Variants in NRG2 observed in about 807,000 individuals in gnomAD.
NRG2 encodes pro-neuregulin-2, membrane-bound isoform.
NRG2 carries 27 observed loss-of-function variants against 73.9 expected under a neutral mutation model. That is an observed-to-expected ratio of 0.37 (90% CI 0.27 to 0.50). NRG2 has a LOEUF of 0.50. Ranked by LOEUF, NRG2 falls within the 20% of genes least tolerant of loss-of-function variation. The pLI, the probability that NRG2 is intolerant of heterozygous loss-of-function variation, is 0.96. For missense variants in NRG2, 1,126 were observed against 1,210.1 expected (o/e 0.93, Z 1.03); for synonymous variants, 532 against 541.0 (o/e 0.98, Z 0.23).
Position 139,851,911 on chromosome 5 carries a change from T to A in NRG2, c.1545-80A>T. On this transcript the variant is annotated intron_variant, in intron 8 of 9. Transcript: ENST00000361474. The surrounding 1 kb of genome is among the most constrained non-coding windows in gnomAD (Gnocchi z 4.2). ...GCAGGTGTGGTCCCATGGACCTCCC[T>A]GGCTCTTCTTCCACCTCGAGCTCCC... The A allele has an allele frequency of 8.2e-7, 1 of 1,224,978 alleles. No individual in the cohort carries two copies. The highest frequency in any genetic ancestry group is 1.2e-6 in the Non-Finnish European group (1 of 853,774). The allele number at this position is 1,224,978 out of a possible 1,614,324, so 75.9% of individuals were successfully genotyped here.
intron 1 of NRG2, among the ~76,000 whole-genome samples, chr5:139,900,769 C>T (rs1764833102): frequency 6.6e-6 from 1 of 152,224 alleles, no homozygotes; most frequent in Admixed American, 6.5e-5. Context: ...GGGCCAGCAC[C>T]TTTTCCTCCA....
Position 139,904,059 on chromosome 5 carries a change from G to T in NRG2, c.701-16548C>A, listed in dbSNP as rs1765057351. On this transcript the variant is annotated intron_variant, in intron 1 of 9. Transcript: ENST00000361474. The surrounding 1 kb of genome is among the most constrained non-coding windows in gnomAD (Gnocchi z 6.0). ...TACCGGCGTGCAGCGCCTCTTGCCC[G>T]CCCCTGCGTGGGGACGCGGCCGCCC... Among the ~76,000 whole-genome samples, 1 of 152,268 alleles carries T rather than the reference G, an allele frequency of 6.6e-6. No individual in the cohort carries two copies. Among genetic ancestry groups the T allele is most frequent in the Non-Finnish European group, 1.5e-5 (1 of 68,010 alleles).
At chr5:139,946,884 A>C (rs1561700164) in intron 1 of NRG2, among the ~76,000 whole-genome samples, 1 of 152,154 alleles carries the variant, frequency 6.6e-6, no homozygotes, top group Non-Finnish European at 1.5e-5. Context: ...ATTTCTCCAA[A>C]GAATATATAC....
intron 1 of NRG2, among the ~76,000 whole-genome samples, chr5:139,890,711 A>T (rs1185243360): frequency 1.3e-5 from 2 of 152,124 alleles, no homozygotes; most frequent in Admixed American, 1.3e-4. Flanking sequence ...GGTACCTGGG[A>T]CATATCCTAG....
At chr5:139,968,223 G>A (rs570303476) in intron 1 of NRG2, among the ~76,000 whole-genome samples, 3 of 152,254 alleles carry the variant, frequency 2.0e-5, no homozygotes, top group African/African-American at 7.2e-5. Flanking sequence ...CTGCCCGCCC[G>A]GCTGAGAAGG....
intron 5 of NRG2, among the ~76,000 whole-genome samples, chr5:139,861,290 C>G (rs1214485536): frequency 6.6e-6 from 1 of 152,202 alleles, no homozygotes; most frequent in African/African-American, 2.4e-5. Flanking sequence ...AGGTGTGACA[C>G]TGTGTCTGAT....
chr5:140,036,331 A>C (rs544977439), intron 1 of NRG2, among the ~76,000 whole-genome samples: 8 of 152,318 alleles, frequency 5.3e-5, no homozygotes, highest in African/African-American at 1.9e-4. Flanking sequence ...TTGACCCCAG[A>C]CTGGCAAAAG....
chr5:140,042,527 G>A lies in NRG2; in HGVS notation c.543C>T (p.Ser181=). ...SGGLQREQVI[S]VGSCVPLERN... ...TTTCGAGCGGCACACAGGAGCCCAC[G>A]CTGATCACCTGCTCGCGCTGCAGCC... Residue 181 remains serine, a synonymous_variant, in exon 1 of 10, where the codon AGC becomes AGT. Transcript: ENST00000361474. 6.2e-7 allele frequency: 1 copy of A among 1,613,142 alleles called. No homozygotes were observed. The highest frequency in any genetic ancestry group is 8.5e-7 in the Non-Finnish European group (1 of 1,179,614).
chr5:139,911,436 C>A (rs939093736), intron 1 of NRG2, among the ~76,000 whole-genome samples: 2 of 152,164 alleles, frequency 1.3e-5, no homozygotes, highest in Non-Finnish European at 2.9e-5. Context: ...TGTCCACCAG[C>A]TCTTCTCCCA....
At chr5:139,946,804 AT>A (rs1400947374) in intron 1 of NRG2, among the ~76,000 whole-genome samples, 3 of 152,094 alleles carry the variant, frequency 2.0e-5, no homozygotes, top group African/African-American at 7.2e-5. Flanking sequence ...AATGGGTTTA[AT>A]TTTTTCTTTG....
chr5:139,890,373 C>A (rs750738095), intron 1 of NRG2, among the ~76,000 whole-genome samples: 2 of 151,992 alleles, frequency 1.3e-5, no homozygotes, highest in Non-Finnish European at 1.5e-5. Flanking sequence ...AGGCTATTAA[C>A]CTTTTGCTAC....
At chr5:139,975,941 A>G (rs1756350170) in intron 1 of NRG2, among the ~76,000 whole-genome samples, 1 of 152,250 alleles carries the variant, frequency 6.6e-6, no homozygotes, top group Non-Finnish European at 1.5e-5. Context: ...CAAGTCCTAA[A>G]AATGCTAACA....
At chr5:139,925,200 C>T (rs1751961460) in intron 1 of NRG2, among the ~76,000 whole-genome samples, 1 of 152,150 alleles carries the variant, frequency 6.6e-6, no homozygotes, top group African/African-American at 2.4e-5. Flanking sequence ...GAGCAAAATC[C>T]TGACTACCAG....
chr5:139,932,490 T>C (rs1358270737), intron 1 of NRG2, among the ~76,000 whole-genome samples: 1 of 151,436 alleles, frequency 6.6e-6, no homozygotes, highest in Non-Finnish European at 1.5e-5. Context: ...AGGTAGGAAA[T>C]TGGGAGATGG....
chr5:139,851,872 G>A lies in NRG2; in HGVS notation c.1545-41C>T, dbSNP rs1199073321. On this transcript the variant is annotated intron_variant, in intron 8 of 9. Transcript: ENST00000361474. This position sits in a 1 kb window ranked among gnomAD's most constrained non-coding sequence, Gnocchi z 4.2. Reference sequence around the variant, plus strand: ...GGGGTGAGACGAGGGGTCAGGAAGGGGCAGGGCGGCCCAGCAGGTGTGGTC... The same window carrying A: ...GGGGTGAGACGAGGGGTCAGGAAGGAGCAGGGCGGCCCAGCAGGTGTGGTC... 4 of 1,583,790 alleles carry A rather than the reference G, an allele frequency of 2.5e-6. No homozygotes were observed. The highest frequency in any genetic ancestry group is 1.1e-5 in the South Asian group (1 of 89,162).
intron 3 of NRG2, among the ~76,000 whole-genome samples, chr5:139,877,718 A>G (rs1278786501): frequency 6.6e-6 from 1 of 152,242 alleles, no homozygotes; most frequent in Non-Finnish European, 1.5e-5. Flanking sequence ...ACAGGATGTC[A>G]GCCTCAGCAT....
chr5:139,882,858 T>C (rs989104739), intron 2 of NRG2, among the ~76,000 whole-genome samples: 7 of 152,086 alleles, frequency 4.6e-5, no homozygotes, highest in African/African-American at 1.7e-4. Context: ...ATGTGAGACC[T>C]GGAGAAGGCA....
In NRG2 at chr5:140,043,158, A is replaced by C; in HGVS notation, c.-89T>G. On this transcript the variant is annotated 5_prime_UTR_variant, in exon 1 of 10. Coordinates refer to ENST00000361474, the MANE Select transcript of NRG2 (RefSeq NM_004883.3). The surrounding 1 kb of genome is among the most constrained non-coding windows in gnomAD (Gnocchi z 6.7). Reference sequence around the variant, plus strand: ...CCCGCTGGAAAACCGGAAACAGCGTAACGTTAGCGCCTCTTAGCCCTCCAC... The same window carrying C: ...CCCGCTGGAAAACCGGAAACAGCGTCACGTTAGCGCCTCTTAGCCCTCCAC... The C allele has an allele frequency of 6.9e-7, 1 of 1,455,798 alleles. No individual in the cohort carries two copies. The highest frequency in any genetic ancestry group is 9.2e-7 in the Non-Finnish European group (1 of 1,086,000). The allele number at this position is 1,455,798 out of a possible 1,614,324, so 90.2% of individuals were successfully genotyped here. A position where few individuals can be genotyped will look rare whatever the true frequency, so the allele number is the denominator to read the frequency against.
chr5:139,874,787 C>T (rs1270503211), intron 3 of NRG2, among the ~76,000 whole-genome samples: 3 of 152,180 alleles, frequency 2.0e-5, no homozygotes, highest in Non-Finnish European at 2.9e-5. Context: ...CTTCATCTCC[C>T]ATCTTTCTCC....
Sources: allele counts gnomAD v4.1 joint callset (sites outside exome capture counted in the v4.1 genomes callset), GRCh38; gene constraint gnomAD v4.1.1; non-coding constraint Gnocchi (gnomAD v3.1); transcripts MANE v1.5; gene names NCBI Gene and HGNC (gene_info 2026-07-23, HGNC 2026-07-21).